Variants in OR2K2 observed in about 807,000 individuals in gnomAD.
OR2K2 encodes the protein olfactory receptor 2K2.
OR2K2 carries 7 observed loss-of-function variants against 11.1 expected under a neutral mutation model. The ratio of observed to expected loss-of-function variants is 0.63; its 90% CI spans 0.36 to 1.19. OR2K2 has a LOEUF of 1.19. Among genes scored for constraint, OR2K2 ranks in the 50% most tolerant of loss-of-function variants. OR2K2 has a pLI of 0.02. For synonymous variants in OR2K2, 152 were observed against 150.8 expected (o/e 1.01, Z -0.06); for missense variants, 391 against 383.4 (o/e 1.02, Z -0.17).
rs757866450 is a variant in OR2K2, at chr9:111,327,589, G to C, written c.845C>G (p.Pro282Arg). 10 of 1,613,918 alleles carry C rather than the reference G, an allele frequency of 6.2e-6. No homozygotes were observed. The highest frequency in any genetic ancestry group is 1.6e-4 in the Middle Eastern group (1 of 6,084). ...IISLLYGVLT[P>R]MLNPIIYSLR... is the part of the protein sequence containing the mutation. Reference sequence around the variant, plus strand: ...ACTGTAAATTATGGGGTTCAACATAGGGGTAAGCACTCCGTAAAGCAACGA... The same window carrying C: ...ACTGTAAATTATGGGGTTCAACATACGGGTAAGCACTCCGTAAAGCAACGA... The change falls in exon 2 of 2, where the codon CCT becomes CGT. Residue 282 changes from proline to arginine, a missense_variant. By Grantham distance (103) the Pro-to-Arg change is moderately radical (BLOSUM62 -2). Transcript: ENST00000302681.
In OR2K2 at chr9:111,327,510, T is replaced by C. The variant is rs1370766151; in HGVS notation, c.924A>G (p.Thr308=). The C allele has an allele frequency of 5.6e-6, 9 of 1,609,412 alleles. No individual in the cohort carries two copies. In the Admixed American group the frequency reaches 6.8e-5, roughly 12 times the overall value. The change falls in exon 2 of 2, where the codon ACA becomes ACG. Residue 308 remains threonine, a synonymous_variant. Transcript: ENST00000302681. The part of the protein sequence containing the change: ...DAMKKLLGKI[T]LHQTHEHL ...AGAGATGTTCGTGTGTTTGATGCAA[T>C]GTTATTTTGCCCAGCAATTTCTTCA...
Position 111,327,408 on chromosome 9 carries a change from A to G in OR2K2, c.*75T>C. 1 of 910,696 alleles carries G rather than the reference A, an allele frequency of 1.1e-6. No homozygotes were observed. Among genetic ancestry groups the G allele is most frequent in the South Asian group, 1.6e-5 (1 of 61,314 alleles). The allele number at this position is 910,696 out of a possible 1,614,324, so 56.4% of individuals were successfully genotyped here. ...GATAAGATCCGATCAGAGTTCTAAG[A>G]GGTTGTATGTTGTCTCGAATTTCTC... On this transcript the variant is annotated 3_prime_UTR_variant, in exon 2 of 2. Transcript: ENST00000302681.
Position 111,328,264 on chromosome 9 carries a change from G to T in OR2K2, c.170C>A (p.Thr57Asn). 3.7e-6 allele frequency: 6 copies of T among 1,614,134 alleles called. No individual in the cohort carries two copies. The highest frequency in any genetic ancestry group is 5.1e-6 in the Non-Finnish European group (6 of 1,180,004). ...LITILDSRLK[T>N]PMYLFLGNLS... ...ATTTCCAAGGAATAAGTACATGGGGGTTTTAAGGCGTGAATCTAGGATAGT... is the reference window on the plus strand; with the variant it reads ...ATTTCCAAGGAATAAGTACATGGGGTTTTTAAGGCGTGAATCTAGGATAGT... The change falls in exon 2 of 2, where the codon ACC (threonine) becomes AAC (asparagine). Residue 57 changes from threonine (T) to asparagine (N), a missense_variant. Thr to Asn is a moderately conservative substitution (Grantham distance 65, BLOSUM62 0). Transcript: ENST00000302681.
chr9:111,327,503 G>T lies in OR2K2; in HGVS notation c.931C>A (p.Gln311Lys). Residue 311 changes from glutamine to lysine, a missense_variant, in exon 2 of 2, where the codon CAA becomes AAA. Transcript: ENST00000302681. ...CCCAATCAGAGATGTTCGTGTGTTT[G>T]ATGCAATGTTATTTTGCCCAGCAAT... is the stretch of plus-strand genomic sequence containing the variant. ...KKLLGKITLH[Q>K]THEHL 1 of 1,606,506 alleles carries T rather than the reference G, an allele frequency of 6.2e-7. No homozygotes were observed. The highest frequency in any genetic ancestry group is 8.5e-7 in the Non-Finnish European group (1 of 1,176,226).
chr9:111,328,158 A>G lies in OR2K2; in HGVS notation c.276T>C (p.Ile92=), dbSNP rs2098101814. 1 of 1,614,048 alleles carries G rather than the reference A, an allele frequency of 6.2e-7. No individual in the cohort carries two copies. The highest frequency in any genetic ancestry group is 1.7e-5 in the Admixed American group (1 of 60,006). The part of the protein sequence containing the change: ...LVNLLSSQKT[I]IFSGCAVQMY... Reference sequence around the variant, plus strand: ...TCTGTACAGCACACCCAGAAAAGATAATGGTTTTCTGGGATGACAGCAAGT... The same window carrying G: ...TCTGTACAGCACACCCAGAAAAGATGATGGTTTTCTGGGATGACAGCAAGT... Residue 92 remains isoleucine (I), a synonymous_variant, in exon 2 of 2, where the codon ATT becomes ATC. Coordinates refer to ENST00000302681, the MANE Select transcript of OR2K2 (RefSeq NM_205859.2).
At position 111,327,996 on chromosome 9, in the gene OR2K2, C is replaced by T. The variant is rs968921474; in HGVS notation, c.438G>A (p.Thr146=). 4.3e-6 allele frequency: 7 copies of T among 1,613,970 alleles called. No individual in the cohort carries two copies. The highest frequency in any genetic ancestry group is 1.7e-5 in the Admixed American group (1 of 59,998). ...TCAGGCAACCCGTCACCCAGGAGAC[C>T]GTAGCCATCCGTGCACAGACGCACC... The part of the protein sequence containing the change: ...MNRCVCARMA[T]VSWVTGCLTA... Residue 146 remains threonine (T), a synonymous_variant, in exon 2 of 2, where the codon ACG becomes ACA. Transcript: ENST00000302681.
At position 111,327,695 on chromosome 9, in the gene OR2K2, CCA is replaced by C; in HGVS notation, c.737_738del (p.Val246GlyfsTer98). 1 of 1,614,064 alleles carries C rather than the reference CCA, an allele frequency of 6.2e-7. No individual in the cohort carries two copies. Among genetic ancestry groups the C allele is most frequent in the Admixed American group, 1.7e-5 (1 of 60,002 alleles). On this transcript the variant is annotated frameshift_variant, in exon 2 of 2. Transcript: ENST00000302681. LOFTEE classifies it high-confidence loss of function. ...AFSTCGAHLT[V>X]VILYYGAALS... The stretch of plus-strand genomic sequence containing the variant: ...AGGGCAGCCCCATAATACAAAATCA[CCA>C]CAGTCAAATGGGCACCACAGGTAGA...
intron 1 of OR2K2, 36 bp downstream of exon 1, chr9:111,330,070 G>C (rs2098102403): frequency 6.6e-6 from 1 of 151,956 alleles, no homozygotes; most frequent in African/African-American, 2.4e-5. Context: ...AGACTAACAA[G>C]CACAAGTTTT....
chr9:111,330,174 A>G lies in OR2K2; in HGVS notation c.-118T>C, dbSNP rs927491702. On this transcript the variant is annotated 5_prime_UTR_variant, in exon 1 of 2. Coordinates refer to ENST00000302681, the MANE Select transcript of OR2K2 (RefSeq NM_205859.2). ...ATTGGTCCTCCCATCTGAATTCCGTATCAGCAACTTCAAATAAAACGTTGT... is the reference window on the plus strand; with the variant it reads ...ATTGGTCCTCCCATCTGAATTCCGTGTCAGCAACTTCAAATAAAACGTTGT... The G allele has an allele frequency of 6.6e-6, 1 of 152,222 alleles. No homozygotes were observed. Among genetic ancestry groups the G allele is most frequent in the Non-Finnish European group, 1.5e-5 (1 of 68,022 alleles). 9.4% of individuals were successfully genotyped at this position (152,222 alleles called of 1,614,324 possible).
chr9:111,328,015 A>T lies in OR2K2; in HGVS notation c.419T>A (p.Val140Asp), dbSNP rs2098101762. Residue 140 changes from valine (V) to aspartate (D), a missense_variant, in exon 2 of 2, where the codon GTC (valine) becomes GAC (aspartate). Physicochemically the swap from Val to Asp is radical, Grantham distance 152. Transcript: ENST00000302681. The stretch of plus-strand genomic sequence containing the variant: ...GGAGACCGTAGCCATCCGTGCACAG[A>T]CGCACCTGTTCATGATGATGGAGTA... ...LRYSIIMNRC[V>D]CARMATVSWV... The T allele has an allele frequency of 1.2e-6, 2 of 1,614,032 alleles. No homozygotes were observed. Among genetic ancestry groups the T allele is most frequent in the African/African-American group, 2.7e-5 (2 of 74,924 alleles).
In OR2K2 at chr9:111,327,355, G is replaced by T. The variant is rs928695996; in HGVS notation, c.*128C>A. 3 of 621,140 alleles carry T rather than the reference G, an allele frequency of 4.8e-6. No homozygotes were observed. In the African/African-American group the frequency reaches 5.5e-5, roughly 11 times the overall value. 38.5% of individuals were successfully genotyped at this position (621,140 alleles called of 1,614,324 possible). ...ATTAATAGGCAATCACTCTGTGTATGCAGCTCATAACTGTGAAATTATATA... is the reference window on the plus strand; with the variant it reads ...ATTAATAGGCAATCACTCTGTGTATTCAGCTCATAACTGTGAAATTATATA... On this transcript the variant is annotated 3_prime_UTR_variant, in exon 2 of 2. Coordinates refer to ENST00000302681, the MANE Select transcript of OR2K2 (RefSeq NM_205859.2).
At chr9:111,329,152 C>T (rs539551519) in intron 1 of OR2K2, among the ~76,000 whole-genome samples, 2 of 151,870 alleles carry the variant, frequency 1.3e-5, no homozygotes, top group African/African-American at 4.8e-5. Context: ...TGCAGTAAGC[C>T]GAGATTGCAC....
rs755123309 is a variant in OR2K2, at chr9:111,328,345, A to C, written c.89T>G (p.Phe30Cys). The change falls in exon 2 of 2, where the codon TTC (phenylalanine) becomes TGC (cysteine). Residue 30 changes from phenylalanine to cysteine, a missense_variant. Transcript: ENST00000302681. Reference sequence around the variant, plus strand: ...CGTTGTCAGATACATTACAAGGCTGAAGACGAAGAGAACCACTTCTAACCC... The same window carrying C: ...CGTTGTCAGATACATTACAAGGCTGCAGACGAAGAGAACCACTTCTAACCC... ...YPGLEVVLFV[F>C]SLVMYLTTLL... The C allele has an allele frequency of 1.7e-5, 27 of 1,613,972 alleles. No homozygotes were observed. Among genetic ancestry groups the C allele is most frequent in the Non-Finnish European group, 2.1e-5 (25 of 1,179,944 alleles).
rs570703827 is a variant in OR2K2 at position 111,327,320 on chromosome 9, A to C, written c.*163T>G. ...GAAATATTAACAAATGCAAATTGAA[A>C]CCTACTATTATTAATAGGCAATCAC... On this transcript the variant is annotated 3_prime_UTR_variant, in exon 2 of 2. Coordinates refer to ENST00000302681, the MANE Select transcript of OR2K2 (RefSeq NM_205859.2). Among the ~76,000 whole-genome samples the C allele has an allele frequency of 6.6e-6, 1 of 152,206 alleles. No homozygotes were observed. Among genetic ancestry groups the C allele is most frequent in the Non-Finnish European group, 1.5e-5 (1 of 68,034 alleles).
At chr9:111,328,573 A>G (rs1007748955) in intron 1 of OR2K2, 91 bp from the exon 2 acceptor site, 3 of 648,548 alleles carry the variant, frequency 4.6e-6, no homozygotes, top group Admixed American at 2.9e-5. Context: ...ATGCAATTTT[A>G]CTACAAGAAA....
chr9:111,328,035 G>A lies in OR2K2; in HGVS notation c.399C>T (p.Ser133=). 2 of 1,614,168 alleles carry A rather than the reference G, an allele frequency of 1.2e-6. No homozygotes were observed. The highest frequency in any genetic ancestry group is 1.7e-6 in the Non-Finnish European group (2 of 1,180,032). ...CACAGACGCACCTGTTCATGATGATGGAGTATCTCAGCGGGTTACAAATGG... is the reference window on the plus strand; with the variant it reads ...CACAGACGCACCTGTTCATGATGATAGAGTATCTCAGCGGGTTACAAATGG... The part of the protein sequence containing the change: ...YVAICNPLRY[S]IIMNRCVCAR... The change falls in exon 2 of 2, where the codon TCC becomes TCT. Residue 133 remains serine, a synonymous_variant. Coordinates refer to ENST00000302681, the MANE Select transcript of OR2K2 (RefSeq NM_205859.2).
intron 1 of OR2K2, among the ~76,000 whole-genome samples, chr9:111,329,364 G>A (rs954784325): frequency 1.3e-5 from 2 of 152,096 alleles, no homozygotes; most frequent in Admixed American, 1.3e-4. Context: ...TTATATTTAA[G>A]AGCCAGTTTA....
In OR2K2 at chr9:111,327,928, C is replaced by G. The variant is rs148441148; in HGVS notation, c.506G>C (p.Cys169Ser). Residue 169 changes from cysteine (C) to serine (S), a missense_variant, in exon 2 of 2, where the codon TGT becomes TCT. Coordinates refer to ENST00000302681, the MANE Select transcript of OR2K2 (RefSeq NM_205859.2). ...ETSFALQIPL[C>S]GNLIDHFTCE... Reference sequence around the variant, plus strand: ...CGTGAAGTGATCGATGAGATTCCCACAGAGGGGTATCTGCAGGGCAAAACT... The same window carrying G: ...CGTGAAGTGATCGATGAGATTCCCAGAGAGGGGTATCTGCAGGGCAAAACT... 16 of 1,614,044 alleles carry G rather than the reference C, an allele frequency of 9.9e-6. No individual in the cohort carries two copies. The African/African-American group carries it at 1.5e-4, about 15-fold the overall frequency.
intron 1 of OR2K2, 42 bp from the exon 2 acceptor site, chr9:111,328,524 G>A (rs2098101964): frequency 4.7e-6 from 4 of 844,974 alleles, no homozygotes; most frequent in Non-Finnish European, 7.4e-6. Flanking sequence ...TATTCATTTA[G>A]TTAGGAAAAT....
Sources: gnomAD v4.1 joint callset for allele counts (sites outside exome capture counted in the v4.1 genomes callset) on GRCh38, gnomAD v4.1.1 for gene constraint, MANE v1.5 for transcripts, NCBI Gene and HGNC (gene_info 2026-07-23, HGNC 2026-07-21) for gene names.